The following KANSL1 variants were observed in gnomAD, a reference collection of about 807,000 sequenced individuals.
The protein encoded by KANSL1 is KAT8 regulatory NSL complex subunit 1.
Under a neutral mutation model 103.6 loss-of-function variants are expected in KANSL1, and 22 were observed. The ratio of observed to expected loss-of-function variants is 0.21; its 90% CI spans 0.15 to 0.30. KANSL1 has a LOEUF of 0.30. Ranked by LOEUF, KANSL1 falls within the 10% of genes least tolerant of loss-of-function variation. KANSL1 has a pLI of 1.00. For missense variants in KANSL1, 1,337 were observed against 1,399.8 expected (o/e 0.96, Z 0.72); for synonymous variants, 600 against 527.6 (o/e 1.14, Z -1.88).
intron 1 of KANSL1, among the ~76,000 whole-genome samples, chr17:46,179,447 C>A (rs1052926040): frequency 1.9e-4 from 29 of 152,194 alleles, no homozygotes; most frequent in African/African-American, 7.0e-4. Context: ...AGGTGGCCAA[C>A]AAGTATTACA....
intron 1 of KANSL1, among the ~76,000 whole-genome samples, chr17:46,191,794 G>A (rs2047338715): frequency 6.6e-6 from 1 of 152,190 alleles, no homozygotes; most frequent in African/African-American, 2.4e-5. Flanking sequence ...ACGTGACAAA[G>A]GAGATGGCAA....
intron 4 of KANSL1, among the ~76,000 whole-genome samples, chr17:46,077,126 A>C (rs2078805132): frequency 6.6e-6 from 1 of 152,204 alleles, no homozygotes; most frequent in Non-Finnish European, 1.5e-5. Context: ...ATCTCAGCTC[A>C]GTGCAACCTC....
At chr17:46,070,699 G>A (rs1205064341) in intron 4 of KANSL1, among the ~76,000 whole-genome samples, 1 of 151,958 alleles carries the variant, frequency 6.6e-6, no homozygotes, top group Non-Finnish European at 1.5e-5. Flanking sequence ...AATGCTGTTT[G>A]TTTTTATTTC....
chr17:46,101,224 C>T (rs2042299637), intron 2 of KANSL1, among the ~76,000 whole-genome samples: 1 of 151,922 alleles, frequency 6.6e-6, no homozygotes, highest in South Asian at 2.1e-4. Context: ...TGCTGAGTCA[C>T]ATGAAAAAAA....
chr17:46,054,935 C>A (rs7212857), intron 6 of KANSL1, among the ~76,000 whole-genome samples: 23,428 of 151,140 alleles, frequency 0.16, 2,623 homozygotes, highest in East Asian at 0.42. Context: ...ACTGCAAGCT[C>A]CGCCTCCTAG....
chr17:46,220,112 A>G (rs1477561981), intron 1 of KANSL1, among the ~76,000 whole-genome samples: 8 of 152,198 alleles, frequency 5.3e-5, no homozygotes, highest in Admixed American at 4.6e-4. Context: ...CAAAAAAACA[A>G]AAACAAAAAC....
chr17:46,192,039 T>C (rs556106906), intron 1 of KANSL1, among the ~76,000 whole-genome samples: 2 of 152,222 alleles, frequency 1.3e-5, no homozygotes, highest in South Asian at 2.1e-4. Flanking sequence ...AAGAGAGCAA[T>C]TTAAAGTGGC....
intron 2 of KANSL1, among the ~76,000 whole-genome samples, chr17:46,140,054 T>C (rs1401560788): frequency 1.3e-5 from 2 of 152,190 alleles, no homozygotes; most frequent in Non-Finnish European, 2.9e-5. Flanking sequence ...AGTAATCCCT[T>C]CCCTTCCTCC....
At chr17:46,092,548 G>A (rs1013569362) in intron 3 of KANSL1, among the ~76,000 whole-genome samples, 4 of 152,100 alleles carry the variant, frequency 2.6e-5, no homozygotes, top group Non-Finnish European at 5.9e-5. Flanking sequence ...AACAAAGAAA[G>A]CCAATAGCAT....
chr17:46,158,772 CTCAAGCGA>C (rs1725955995), intron 2 of KANSL1, among the ~76,000 whole-genome samples: 1 of 152,120 alleles, frequency 6.6e-6, no homozygotes, highest in Admixed American at 6.5e-5. Flanking sequence ...AACTCCTGAC[CTCAAGCGA>C]TCTGCCTGCC....
At chr17:46,175,426 T>C (rs1344071830) in intron 1 of KANSL1, among the ~76,000 whole-genome samples, 2 of 151,058 alleles carry the variant, frequency 1.3e-5, no homozygotes, top group African/African-American at 2.4e-5. Flanking sequence ...CTCGGCTCAC[T>C]GCAACCTCCG....
chr17:46,058,743 ACTCTCTCTCT>A (rs756932556), intron 6 of KANSL1, among the ~76,000 whole-genome samples: 1,695 of 67,810 alleles, frequency 0.025, 22 homozygotes, highest in African/African-American at 0.062. Context: ...ACACACACAC[ACTCTCTCTCT>A]CTCTCTCTCT....
chr17:46,123,615 A>C (rs2043383100), intron 2 of KANSL1, among the ~76,000 whole-genome samples: 1 of 151,878 alleles, frequency 6.6e-6, no homozygotes, highest in Non-Finnish European at 1.5e-5. Context: ...TGTATAGATC[A>C]AACCAGCCAC....
intron 10 of KANSL1, among the ~76,000 whole-genome samples, chr17:46,036,622 G>A (rs2077157448): frequency 6.6e-6 from 1 of 152,170 alleles, no homozygotes; most frequent in Non-Finnish European, 1.5e-5. Context: ...TTAGGGACAT[G>A]AGCAACAATA....
At chr17:46,185,015 C>T (rs951359065) in intron 1 of KANSL1, among the ~76,000 whole-genome samples, 1 of 151,896 alleles carries the variant, frequency 6.6e-6, no homozygotes, top group Non-Finnish European at 1.5e-5. Context: ...AATTTTTTGT[C>T]TTTTTTAGTA....
At chr17:46,124,363 G>C (rs1416978273) in intron 2 of KANSL1, among the ~76,000 whole-genome samples, 1 of 152,246 alleles carries the variant, frequency 6.6e-6, no homozygotes, top group Non-Finnish European at 1.5e-5. Flanking sequence ...CCACCATTGA[G>C]ACCTCATGCT....
intron 2 of KANSL1, among the ~76,000 whole-genome samples, chr17:46,099,994 C>CTAG (rs1348930965): frequency 1.3e-5 from 2 of 152,164 alleles, no homozygotes; most frequent in East Asian, 3.9e-4. Context: ...CAGCTATGTG[C>CTAG]TAGTATTGGT....
At chr17:46,100,679 G>C (rs1370302360) in intron 2 of KANSL1, among the ~76,000 whole-genome samples, 9 of 152,110 alleles carry the variant, frequency 5.9e-5, no homozygotes, top group Non-Finnish European at 1.5e-5. Flanking sequence ...GAACCACATG[G>C]AACACCACAT....
At chr17:46,183,893 A>C (rs2046904397) in intron 1 of KANSL1, among the ~76,000 whole-genome samples, 1 of 152,198 alleles carries the variant, frequency 6.6e-6, no homozygotes, top group Non-Finnish European at 1.5e-5. Flanking sequence ...AGCGTAGGCG[A>C]CAGAATGAGA....
Sources: allele counts gnomAD v4.1 joint callset (sites outside exome capture counted in the v4.1 genomes callset), GRCh38; gene constraint gnomAD v4.1.1; transcripts MANE v1.5; gene names NCBI Gene and HGNC (gene_info 2026-07-23, HGNC 2026-07-21).